EGFR: variants seen among roughly 807,000 people sequenced by gnomAD.
EGFR encodes the protein avian erythroblastic leukemia viral (v-erb-b) oncogene homolog.
A neutral mutation model predicts 143.0 loss-of-function variants in EGFR; 58 were observed. The observed-to-expected ratio is 0.41, with a 90% CI of 0.33 to 0.50. The LOEUF (loss-of-function observed/expected upper bound fraction) is 0.50, where lower values mean the gene tolerates loss of function less well. Ranked by LOEUF, EGFR falls within the 20% of genes least tolerant of loss-of-function variation. The pLI, the probability that EGFR is intolerant of heterozygous loss-of-function variation, is 0.39. For missense variants in EGFR, 1,307 were observed against 1,579.0 expected (o/e 0.83, Z 2.92); for synonymous variants, 613 against 594.4 (o/e 1.03, Z -0.45).
chr7:55,023,425 G>A (rs1006058269), intron 1 of EGFR, among the ~76,000 whole-genome samples: 13 of 152,164 alleles, frequency 8.5e-5, no homozygotes, highest in African/African-American at 3.1e-4. Flanking sequence ...CGAGGCAGGC[G>A]AATCATGAAG....
chr7:55,044,393 G>T (rs1250407541), intron 1 of EGFR, among the ~76,000 whole-genome samples: 1 of 152,202 alleles, frequency 6.6e-6, no homozygotes, highest in Non-Finnish European at 1.5e-5. Flanking sequence ...AAATAATGTT[G>T]TTTGTGCCAA....
At chr7:55,053,789 G>T (rs1788628984) in intron 1 of EGFR, among the ~76,000 whole-genome samples, 1 of 152,318 alleles carries the variant, frequency 6.6e-6, no homozygotes, top group South Asian at 2.1e-4. Flanking sequence ...GTGTTTCCTA[G>T]GAGGACATCC....
chr7:55,049,315 C>T (rs1414001728), intron 1 of EGFR, among the ~76,000 whole-genome samples: 4 of 152,142 alleles, frequency 2.6e-5, no homozygotes, highest in African/African-American at 9.7e-5. Context: ...CTTGAAATGA[C>T]CGTAATCTCC....
intron 1 of EGFR, among the ~76,000 whole-genome samples, chr7:55,076,149 A>T (rs1203700491): frequency 6.6e-6 from 1 of 152,264 alleles, no homozygotes; most frequent in Non-Finnish European, 1.5e-5. Context: ...CAAGCTTGAG[A>T]TGTATTAATA....
At chr7:55,151,150 A>T in intron 4 of EGFR, 144 bp from the exon 5 acceptor site, 1 of 838,818 alleles carries the variant, frequency 1.2e-6, no homozygotes, top group Non-Finnish European at 2.0e-6. Context: ...AAGTGATTCT[A>T]CAAACCAGCC....
chr7:55,051,442 T>C (rs1788480114), intron 1 of EGFR, among the ~76,000 whole-genome samples: 3 of 152,032 alleles, frequency 2.0e-5, no homozygotes, highest in African/African-American at 7.2e-5. Flanking sequence ...GTTAGAAAAT[T>C]GAGTGCAGCC....
At position 55,207,145 on chromosome 7, in the gene EGFR, A is replaced by G. The variant is rs1340011096; in HGVS notation, c.*1528A>G. On this transcript the variant is annotated 3_prime_UTR_variant, in exon 28 of 28. Transcript: ENST00000275493. ...TCCTAGTCAATATCCACCCCATCCAATTTATCAAGGAAGAAATGGTTCAGA... is the reference window on the plus strand; with the variant it reads ...TCCTAGTCAATATCCACCCCATCCAGTTTATCAAGGAAGAAATGGTTCAGA... The G allele has an allele frequency of 8.6e-6, 2 of 232,574 alleles. No homozygotes were observed. Among genetic ancestry groups the G allele is most frequent in the Non-Finnish European group, 1.7e-5 (2 of 117,750 alleles). 14.4% of individuals were successfully genotyped at this position (232,574 alleles called of 1,614,324 possible).
At chr7:55,178,023 C>T (rs1333429072) in intron 19 of EGFR, among the ~76,000 whole-genome samples, 7 of 152,270 alleles carry the variant, frequency 4.6e-5, no homozygotes, top group East Asian at 1.9e-4. Context: ...TGGGGCCTGG[C>T]GGGGCTCCAG....
chr7:55,054,271 G>A (rs1045606332), intron 1 of EGFR, among the ~76,000 whole-genome samples: 4 of 152,108 alleles, frequency 2.6e-5, no homozygotes, highest in Non-Finnish European at 4.4e-5. Context: ...CCTCTAACTC[G>A]ACCTTGAGTG....
At chr7:55,176,735 T>C (rs1477862619) in intron 19 of EGFR, among the ~76,000 whole-genome samples, 1 of 150,094 alleles carries the variant, frequency 6.7e-6, no homozygotes, top group Non-Finnish European at 1.5e-5. Flanking sequence ...GATATAAATA[T>C]TAATATAGAT....
intron 15 of EGFR, chr7:55,170,621 G>C: frequency 1.2e-6 from 2 of 1,603,630 alleles, no homozygotes; most frequent in South Asian, 1.1e-5. Flanking sequence ...AGGTTCCCAA[G>C]AGTATCCTAC....
At chr7:55,103,258 A>AGT (rs1171960124) in intron 1 of EGFR, among the ~76,000 whole-genome samples, 2 of 152,190 alleles carry the variant, frequency 1.3e-5, no homozygotes, top group Non-Finnish European at 2.9e-5. Flanking sequence ...CAAGCCCTTC[A>AGT]GTGTGTGTCC....
Position 55,096,304 on chromosome 7 carries a change from T to G in EGFR, c.89-45982T>G, listed in dbSNP as rs183921343. Among the ~76,000 whole-genome samples, 10 of 152,338 alleles carry G rather than the reference T, an allele frequency of 6.6e-5. 1 individual carries two copies. In the East Asian group the frequency reaches 1.7e-3, roughly 26 times the overall value. ...CCTCAGATTTTTAATTCTCCGGTTGTGTTCACCAGGTGCTTGGTCATGATT... is the reference window on the plus strand; with the variant it reads ...CCTCAGATTTTTAATTCTCCGGTTGGGTTCACCAGGTGCTTGGTCATGATT... On this transcript the variant is annotated intron_variant, in intron 1 of 27. Transcript: ENST00000275493.
chr7:55,044,074 T>C (rs1306830412), intron 1 of EGFR: 1 of 152,210 alleles, frequency 6.6e-6, no homozygotes. Context: ...ACTGGCTCCT[T>C]CACTGCTGTA....
chr7:55,166,350 G>A (rs756548076), intron 15 of EGFR: 2 of 564,652 alleles, frequency 3.5e-6, no homozygotes, highest in African/African-American at 1.8e-5. Flanking sequence ...GTTTGGAACT[G>A]TTACTCATTC....
At chr7:55,193,364 T>A (rs114436876) in intron 22 of EGFR, among the ~76,000 whole-genome samples, 4,731 of 152,228 alleles carry the variant, frequency 0.031, 233 homozygotes, top group African/African-American at 0.11. Context: ...GAGGACCATC[T>A]GGTCCGGCCC....
rs563459939 is a variant in EGFR, at chr7:55,060,248, A to C, written c.88+40883A>C. On this transcript the variant is annotated intron_variant, in intron 1 of 27. Transcript: ENST00000275493. ...TGGTTATATTTCATTAATATATTCT[A>C]GTTTGTTCAGCTGTTCTTACTGGGT... Among the ~76,000 whole-genome samples the C allele has an allele frequency of 1.1e-4, 16 of 152,296 alleles. 1 individual carries two copies. In the South Asian group the frequency reaches 2.5e-3, roughly 24 times the overall value.
At position 55,192,648 on chromosome 7, in the gene EGFR, C is replaced by G. The variant is rs17290587; in HGVS notation, c.2626-118C>G. 7,721 of 920,692 alleles carry G rather than the reference C, an allele frequency of 8.4e-3. 394 individuals carry two copies. The African/African-American group carries it at 0.11, about 13-fold the overall frequency. The allele number at this position is 920,692 out of a possible 1,614,324, so 57.0% of individuals were successfully genotyped here. On this transcript the variant is annotated intron_variant, in intron 21 of 27. Transcript: ENST00000275493. ...AGGCGCCGGGCCTGGGGGACGGGTC[C>G]TGGGGTGATCTGGCTCGTCTGTGTG...
At chr7:55,158,640 A>T (rs533235729) in intron 11 of EGFR, among the ~76,000 whole-genome samples, 3 of 152,332 alleles carry the variant, frequency 2.0e-5, no homozygotes, top group South Asian at 4.1e-4. Context: ...CAGTTGGCTT[A>T]GTTGTAGGGA....
Sources: allele counts gnomAD v4.1 joint callset (sites outside exome capture counted in the v4.1 genomes callset), GRCh38; gene constraint gnomAD v4.1.1; transcripts MANE v1.5; gene names NCBI Gene and HGNC (gene_info 2026-07-23, HGNC 2026-07-21).